The following CSGALNACT1 variants were observed in gnomAD, a reference collection of about 807,000 sequenced individuals.
CSGALNACT1 encodes chondroitin sulfate N-acetylgalactosaminyltransferase 1.
Under a neutral mutation model 51.0 loss-of-function variants are expected in CSGALNACT1, and 52 were observed. That is an observed-to-expected ratio of 1.02 (90% CI 0.82 to 1.29). The LOEUF is 1.29. Ranked by LOEUF, CSGALNACT1 falls within the 50% of genes most tolerant of loss-of-function variation. The pLI is 0.00. For missense variants in CSGALNACT1, 935 were observed against 679.2 expected (o/e 1.38, Z -4.19); for synonymous variants, 341 against 254.4 (o/e 1.34, Z -3.24).
At chr8:19,561,882 A>C (rs988644773) in intron 3 of CSGALNACT1, among the ~76,000 whole-genome samples, 1 of 152,190 alleles carries the variant, frequency 6.6e-6, no homozygotes, top group Admixed American at 6.5e-5. Context: ...ACCTGAGCCC[A>C]AGCCAGGCCC....
intron 3 of CSGALNACT1, among the ~76,000 whole-genome samples, chr8:19,513,645 T>C (rs764730992): frequency 2.2e-4 from 33 of 151,966 alleles, no homozygotes; most frequent in Non-Finnish European, 5.9e-5. Flanking sequence ...AATTTTGTTG[T>C]TGTGTGAAGA....
At chr8:19,472,665 G>A (rs956294630) in intron 4 of CSGALNACT1, among the ~76,000 whole-genome samples, 1 of 152,154 alleles carries the variant, frequency 6.6e-6, no homozygotes, top group African/African-American at 2.4e-5. Context: ...CAATCAAAAG[G>A]ATGTTTTAAC....
Position 19,592,424 on chromosome 8 carries a change from C to T in CSGALNACT1, c.-415-1146G>A, listed in dbSNP as rs151191243. Among the ~76,000 whole-genome samples, 3 of 152,240 alleles carry T rather than the reference C, an allele frequency of 2.0e-5. No homozygotes were observed. In the East Asian group the frequency reaches 5.8e-4, roughly 29 times the overall value. ...ATATATTTATTTATGTACGTATATA[C>T]ATGAGGGGGAACAAAGAGACAAATA... On this transcript the variant is annotated intron_variant, in intron 2 of 9. Coordinates refer to ENST00000454498, the Ensembl canonical transcript of CSGALNACT1.
At position 19,723,667 on chromosome 8, in the gene CSGALNACT1, C is replaced by G. The variant is rs1007883000; in HGVS notation, c.-297+34183G>C. The stretch of plus-strand genomic sequence containing the variant: ...GAGGTCATGGCTAGTTCCTCCCACA[C>G]TAGGATGTACTTTTTGGAAAAAGTG... On this transcript the variant is annotated intron_variant, in intron 1 of 1. Coordinates refer to the CSGALNACT1 transcript ENST00000517494. Among the ~76,000 whole-genome samples the G allele has an allele frequency of 3.3e-5, 5 of 152,202 alleles. No individual in the cohort carries two copies. The South Asian group carries it at 1.0e-3, about 31-fold the overall frequency.
At chr8:19,569,803 A>G (rs2042627431) in intron 3 of CSGALNACT1, among the ~76,000 whole-genome samples, 2 of 152,372 alleles carry the variant, frequency 1.3e-5, no homozygotes, top group Admixed American at 6.5e-5. Context: ...AAAACTGGAT[A>G]AACTAAATTA....
At chr8:19,560,000 G>A (rs78081665) in intron 3 of CSGALNACT1, among the ~76,000 whole-genome samples, 154 of 152,290 alleles carry the variant, frequency 1.0e-3, no homozygotes, top group African/African-American at 3.5e-3. Flanking sequence ...TTAAGAAGAC[G>A]CAGTAATTAA....
intron 4 of CSGALNACT1, among the ~76,000 whole-genome samples, chr8:19,472,715 A>T (rs1454032016): frequency 6.6e-6 from 1 of 152,188 alleles, no homozygotes; most frequent in African/African-American, 2.4e-5. Flanking sequence ...TTTGAGACTG[A>T]CTTGAGAATA....
intron 3 of CSGALNACT1, among the ~76,000 whole-genome samples, chr8:19,506,664 G>GGAGT (rs1159479916): frequency 1.3e-5 from 2 of 152,192 alleles, no homozygotes; most frequent in Admixed American, 1.3e-4. Flanking sequence ...CATTCTTGCT[G>GGAGT]GAGTGAGTTG....
chr8:19,694,168 C>T (rs999795207), intron 1 of CSGALNACT1, among the ~76,000 whole-genome samples: 9 of 152,232 alleles, frequency 5.9e-5, no homozygotes, highest in African/African-American at 2.2e-4. Context: ...AACTAACTGG[C>T]CCAAACTCAC....
intron 3 of CSGALNACT1, among the ~76,000 whole-genome samples, chr8:19,560,822 G>A (rs1176740968): frequency 6.6e-6 from 1 of 152,212 alleles, no homozygotes; most frequent in Non-Finnish European, 1.5e-5. Context: ...AGAAAGGCAT[G>A]CTGGTATGCA....
chr8:19,404,607 A>AATATAT (rs3840719), exon 10 of CSGALNACT1: 70 of 182,182 alleles, frequency 3.8e-4, no homozygotes, highest in South Asian at 9.5e-4. Flanking sequence ...GATCTTTCAC[A>AATATAT]ATATATATAT....
chr8:19,721,458 C>T (rs2013213), intron 1 of CSGALNACT1, among the ~76,000 whole-genome samples: 87,831 of 152,080 alleles, frequency 0.58, 26,100 homozygotes, highest in African/African-American at 0.72. Flanking sequence ...GATCCTAGTC[C>T]GCACATGGTT....
At chr8:19,749,448 G>C (rs1273298183) in intron 1 of CSGALNACT1, among the ~76,000 whole-genome samples, 2 of 152,080 alleles carry the variant, frequency 1.3e-5, no homozygotes, top group African/African-American at 4.8e-5. Flanking sequence ...ATGTGCCATG[G>C]CATAATAAAT....
Position 19,505,357 on chromosome 8 carries a change from CCAGCTGG to C in CSGALNACT1, c.471_477del (p.Tyr157Ter), listed in dbSNP as rs2077115815. On this transcript the variant is annotated frameshift_variant, in exon 4 of 10. Transcript: ENST00000454498. LOFTEE classifies it high-confidence loss of function. ...TCGGGGTGGCGGGTAAGGCCAGTCT[CCAGCTGG>C]TACACCTTCTGTAGAGTAAAGCTAT... 1 of 1,614,114 alleles carries C rather than the reference CCAGCTGG, an allele frequency of 6.2e-7. No individual in the cohort carries two copies. The highest frequency in any genetic ancestry group is 8.5e-7 in the Non-Finnish European group (1 of 1,180,056).
chr8:19,467,707 A>G (rs886774840), intron 4 of CSGALNACT1, among the ~76,000 whole-genome samples: 2 of 152,144 alleles, frequency 1.3e-5, no homozygotes, highest in African/African-American at 4.8e-5. Context: ...AACATGGTCC[A>G]GGCAGGGTGG....
chr8:19,513,217 G>C (rs967392740), intron 3 of CSGALNACT1, among the ~76,000 whole-genome samples: 36 of 152,116 alleles, frequency 2.4e-4, no homozygotes, highest in African/African-American at 8.2e-4. Context: ...CTGAATATTA[G>C]AGGTGGGTGG....
At chr8:19,729,026 A>G (rs1459934160) in intron 1 of CSGALNACT1, among the ~76,000 whole-genome samples, 1 of 152,102 alleles carries the variant, frequency 6.6e-6, no homozygotes, top group East Asian at 1.9e-4. Context: ...TCCCCAAGGA[A>G]ATTATCACAA....
At chr8:19,505,602 T>C (rs1398957914) in exon 4 of CSGALNACT1, 5 of 1,614,116 alleles carry the variant, frequency 3.1e-6, no homozygotes, top group Non-Finnish European at 4.2e-6. Context: ...CTGTGCGATC[T>C]GCCGCTTCAG....
chr8:19,442,855 A>G (rs1291119770), intron 5 of CSGALNACT1, among the ~76,000 whole-genome samples: 2 of 152,162 alleles, frequency 1.3e-5, no homozygotes, highest in Admixed American at 6.5e-5. Flanking sequence ...AGCAAAGGTC[A>G]ACAGTCATTC....
Sources: gnomAD v4.1 joint callset for allele counts (sites outside exome capture counted in the v4.1 genomes callset) on GRCh38, gnomAD v4.1.1 for gene constraint, MANE v1.5 for transcripts, NCBI Gene and HGNC (gene_info 2026-07-23, HGNC 2026-07-21) for gene names.